Variants in SLC12A2 observed in about 807,000 individuals in gnomAD.
SLC12A2 encodes the protein Na-K-2Cl cotransporter 1.
A neutral mutation model predicts 136.3 loss-of-function variants in SLC12A2; 67 were observed. The observed-to-expected ratio is 0.49, with a 90% CI of 0.40 to 0.60. The LOEUF is 0.60. Among genes scored for constraint, SLC12A2 ranks in the 20% least tolerant of loss-of-function variants. The pLI is 0.00. For missense variants in SLC12A2, 1,322 were observed against 1,534.7 expected, an observed-to-expected ratio of 0.86 and a Z score of 2.32; for synonymous variants, 619 against 562.9, an observed-to-expected ratio of 1.10 and a Z score of -1.41.
At chr5:128,164,717 T>C (rs1414040148) in intron 17 of SLC12A2, among the ~76,000 whole-genome samples, 7 of 152,184 alleles carry the variant, frequency 4.6e-5, no homozygotes, top group Admixed American at 4.6e-4. Flanking sequence ...TTAGATGTTA[T>C]TTGTTTTACT....
intron 1 of SLC12A2, among the ~76,000 whole-genome samples, chr5:128,095,224 T>G (rs910977496): frequency 2.0e-5 from 3 of 152,178 alleles, no homozygotes; most frequent in African/African-American, 7.2e-5. Flanking sequence ...TTTAAAGGCC[T>G]GTGAATAATT....
intron 1 of SLC12A2, among the ~76,000 whole-genome samples, chr5:128,094,986 A>G (rs1402094307): frequency 6.6e-6 from 1 of 152,154 alleles, no homozygotes; most frequent in Non-Finnish European, 1.5e-5. Flanking sequence ...TAGTGCTGTC[A>G]AGGGAGGTGA....
chr5:128,180,262 G>A (rs1157949339), intron 22 of SLC12A2, among the ~76,000 whole-genome samples: 3 of 152,102 alleles, frequency 2.0e-5, no homozygotes, highest in African/African-American at 2.4e-5. Context: ...GAGCCACCAC[G>A]CCCAGCCCAT....
intron 1 of SLC12A2, among the ~76,000 whole-genome samples, chr5:128,099,664 A>T (rs1404206806): frequency 6.6e-6 from 1 of 152,172 alleles, no homozygotes; most frequent in Admixed American, 6.6e-5. Context: ...TTGTTCTACA[A>T]ACCTTTTTCT....
intron 1 of SLC12A2, among the ~76,000 whole-genome samples, chr5:128,105,414 G>A (rs1760895805): frequency 6.6e-6 from 1 of 152,196 alleles, no homozygotes; most frequent in Non-Finnish European, 1.5e-5. Flanking sequence ...GTTGTTTCAA[G>A]AAAGGGAGTG....
intron 19 of SLC12A2, among the ~76,000 whole-genome samples, chr5:128,173,313 G>A (rs1163952631): frequency 6.6e-6 from 1 of 152,184 alleles, no homozygotes; most frequent in Non-Finnish European, 1.5e-5. Context: ...TACCAGAATT[G>A]AGGTTTAGAG....
chr5:128,103,886 T>C (rs1337357039), intron 1 of SLC12A2, among the ~76,000 whole-genome samples: 1 of 152,218 alleles, frequency 6.6e-6, no homozygotes, highest in Non-Finnish European at 1.5e-5. Flanking sequence ...ATTATAAAAT[T>C]CAAGGAAAAT....
Position 128,147,609 on chromosome 5 carries a change from A to G in SLC12A2, c.1774-13A>G. The G allele has an allele frequency of 6.5e-7, 1 of 1,529,416 alleles. No individual in the cohort carries two copies. The highest frequency in any genetic ancestry group is 9.0e-7 in the Non-Finnish European group (1 of 1,107,492). The allele number at this position is 1,529,416 out of a possible 1,614,324, so 94.7% of individuals were successfully genotyped here. On this transcript the variant is annotated splice_polypyrimidine_tract_variant and intron_variant, in intron 10 of 26. Transcript: ENST00000262461. ...TGAGATTTATTTTTCCATTTTTGTC[A>G]CTTTTATTTAAGGTAATGAGTATGG... is the stretch of plus-strand genomic sequence containing the variant.
At chr5:128,163,833 A>G (rs1414982484) in intron 17 of SLC12A2, among the ~76,000 whole-genome samples, 1 of 152,190 alleles carries the variant, frequency 6.6e-6, no homozygotes, top group Admixed American at 6.5e-5. Flanking sequence ...GAACATGAAG[A>G]TACAGTGGAG....
chr5:128,128,378 T>C (rs1761895083), intron 4 of SLC12A2, among the ~76,000 whole-genome samples: 1 of 152,140 alleles, frequency 6.6e-6, no homozygotes, highest in Non-Finnish European at 1.5e-5. Context: ...CTAATTATGT[T>C]CTTTACAGTC....
rs560961843 is a variant in SLC12A2 at position 128,158,830 on chromosome 5, T to G, written c.2475+666T>G. On this transcript the variant is annotated intron_variant, in intron 16 of 26. Coordinates refer to ENST00000262461, the MANE Select transcript of SLC12A2 (RefSeq NM_001046.3). ...TACATTCCCACCAGCAGTGTATAAGTGTTTTCTTTTCTCTGCAACCTCACC... is the reference window on the plus strand; with the variant it reads ...TACATTCCCACCAGCAGTGTATAAGGGTTTTCTTTTCTCTGCAACCTCACC... Among the ~76,000 whole-genome samples, 117 of 151,636 alleles carry G rather than the reference T, an allele frequency of 7.7e-4. 1 individual carries two copies. Among genetic ancestry groups the G allele is most frequent in the African/African-American group, 2.8e-3 (115 of 41,400 alleles).
intron 7 of SLC12A2, 150 bp downstream of exon 7, chr5:128,135,958 T>A (rs1006706766): frequency 4.8e-6 from 3 of 622,896 alleles, no homozygotes; most frequent in Non-Finnish European, 8.5e-6. Context: ...GTCCCCTTTA[T>A]GCTGTACAGT....
At chr5:128,125,074 T>G (rs1448699345) in intron 4 of SLC12A2, among the ~76,000 whole-genome samples, 2 of 152,234 alleles carry the variant, frequency 1.3e-5, no homozygotes, top group African/African-American at 4.8e-5. Flanking sequence ...GAAAATAATT[T>G]CAGTATTTTG....
At position 128,141,938 on chromosome 5, in the gene SLC12A2, G is replaced by GTTT; in HGVS notation, c.1731_1732insTTT (p.Cys577_Glu578insPhe). On this transcript the variant is annotated inframe_insertion, in exon 10 of 27. Transcript: ENST00000262461. ...AAATTAAACTTTGATTTTTCATCTT[G>GTTT]TGAAAGCAGTCCTTGTTCCTATGGC... 1 of 1,613,932 alleles carries GTTT rather than the reference G, an allele frequency of 6.2e-7. No individual in the cohort carries two copies. Among genetic ancestry groups the GTTT allele is most frequent in the South Asian group, 1.1e-5 (1 of 91,078 alleles).
intron 1 of SLC12A2, chr5:128,110,617 C>T: frequency 9.4e-7 from 1 of 1,059,010 alleles, no homozygotes; most frequent in Admixed American, 1.7e-5. Context: ...TTATCACCTG[C>T]CATATTTACT....
rs190404261 is a variant in SLC12A2, at chr5:128,186,265, G to A, written c.3504-231G>A. ...GTAAGTACTCCTGTGATGTTTTCAC[G>A]AGGGCAAAATTGCCTGACAGTAAGT... On this transcript the variant is annotated intron_variant, in intron 26 of 26. Transcript: ENST00000262461. Among the ~76,000 whole-genome samples, 126 of 152,162 alleles carry A rather than the reference G, an allele frequency of 8.3e-4. 1 individual carries two copies. The highest frequency in any genetic ancestry group is 3.0e-3 in the African/African-American group (124 of 41,492).
chr5:128,154,658 G>C (rs778090178), intron 15 of SLC12A2, among the ~76,000 whole-genome samples: 9 of 151,974 alleles, frequency 5.9e-5, no homozygotes, highest in Admixed American at 1.3e-4. Flanking sequence ...CAGGACCCTC[G>C]GTGGATAGCT....
At chr5:128,145,544 T>C (rs1762506978) in intron 10 of SLC12A2, among the ~76,000 whole-genome samples, 1 of 152,116 alleles carries the variant, frequency 6.6e-6, no homozygotes, top group South Asian at 2.1e-4. Context: ...ATGTAACTAC[T>C]AAATTGTTAT....
At chr5:128,136,307 G>T (rs964791813) in intron 7 of SLC12A2, among the ~76,000 whole-genome samples, 3 of 152,128 alleles carry the variant, frequency 2.0e-5, no homozygotes, top group Admixed American at 2.0e-4. Flanking sequence ...TGTCAGGAAC[G>T]TAAGTGAACC....
Sources: allele counts gnomAD v4.1 joint callset (sites outside exome capture counted in the v4.1 genomes callset), GRCh38; gene constraint gnomAD v4.1.1; transcripts MANE v1.5; gene names NCBI Gene and HGNC (gene_info 2026-07-23, HGNC 2026-07-21).